The following OSBPL6 variants were observed in gnomAD, a reference collection of about 807,000 sequenced individuals.
OSBPL6 encodes the protein oxysterol binding protein like 6, also known as oxysterol-binding protein-related protein 6.
In OSBPL6, 49 loss-of-function variants were observed where a neutral mutation model predicts 125.8. The ratio of observed to expected loss-of-function variants is 0.39; its 90% CI spans 0.31 to 0.49. The LOEUF (loss-of-function observed/expected upper bound fraction) is 0.49. Ranked by LOEUF, OSBPL6 falls within the 20% of genes least tolerant of loss-of-function variation. OSBPL6 has a pLI of 0.88. For synonymous variants in OSBPL6, 394 were observed against 391.8 expected, an observed-to-expected ratio of 1.01 and a Z score of -0.07; for missense variants, 986 against 1,135.4, an observed-to-expected ratio of 0.87 and a Z score of 1.89.
At position 178,385,476 on chromosome 2, in the gene OSBPL6, ATT is replaced by A; in HGVS notation, c.2034_2035del (p.Ser679CysfsTer5). 2 of 1,611,450 alleles carry A rather than the reference ATT, an allele frequency of 1.2e-6. No homozygotes were observed. Among genetic ancestry groups the A allele is most frequent in the Non-Finnish European group, 1.7e-6 (2 of 1,178,240 alleles). ...TTACCAGGTTAGCCATCATCCACCC[ATT>A]TCTGCCTGTCACTGTGAATCAAAGA... is the stretch of plus-strand genomic sequence containing the variant. ...FSEQVSHHPP[I>X]SACHCESKNF... On this transcript the variant is annotated frameshift_variant, in exon 19 of 25. Coordinates refer to ENST00000190611, the MANE Select transcript of OSBPL6 (RefSeq NM_032523.4). LOFTEE classifies it high-confidence loss of function.
At chr2:178,288,566 G>A (rs1684927739) in intron 2 of OSBPL6, among the ~76,000 whole-genome samples, 1 of 151,440 alleles carries the variant, frequency 6.6e-6, no homozygotes, top group South Asian at 2.1e-4. Flanking sequence ...AACTGTATAA[G>A]TAACTAAGTG....
intron 2 of OSBPL6, among the ~76,000 whole-genome samples, chr2:178,303,657 C>T (rs1050240115): frequency 4.6e-5 from 7 of 152,316 alleles, no homozygotes; most frequent in Admixed American, 4.6e-4. Context: ...TTGTCTCCAA[C>T]TGAATGTCTT....
chr2:178,303,064 A>G (rs1178180528), intron 2 of OSBPL6, among the ~76,000 whole-genome samples: 1 of 152,238 alleles, frequency 6.6e-6, no homozygotes, highest in Admixed American at 6.5e-5. Flanking sequence ...TGCTGGCACC[A>G]CAGCTTGGAA....
chr2:178,325,632 C>A (rs957409937), intron 4 of OSBPL6, among the ~76,000 whole-genome samples: 7 of 152,144 alleles, frequency 4.6e-5, no homozygotes, highest in African/African-American at 1.7e-4. Flanking sequence ...AAAAAGGTAG[C>A]TAAAATTTAT....
At chr2:178,259,305 C>T (rs140762102) in intron 1 of OSBPL6, among the ~76,000 whole-genome samples, 14 of 152,164 alleles carry the variant, frequency 9.2e-5, no homozygotes, top group East Asian at 7.7e-4. Flanking sequence ...GATCAAATTC[C>T]GTTTGAGATT....
chr2:178,281,895 G>A (rs759918564), intron 1 of OSBPL6, among the ~76,000 whole-genome samples: 2 of 152,106 alleles, frequency 1.3e-5, no homozygotes, highest in South Asian at 2.1e-4. Context: ...GCAAACCACC[G>A]TGGCACACAT....
Position 178,380,389 on chromosome 2 carries a change from T to C in OSBPL6, c.1534-2031T>C, listed in dbSNP as rs534801457. ...TCCCTTGAGCCCAGGAGTTATGAGCTCAGGTTGCAGTGAGCTGTGATGGTA... is the reference window on the plus strand; with the variant it reads ...TCCCTTGAGCCCAGGAGTTATGAGCCCAGGTTGCAGTGAGCTGTGATGGTA... On this transcript the variant is annotated intron_variant, in intron 15 of 24. Coordinates refer to ENST00000190611, the MANE Select transcript of OSBPL6 (RefSeq NM_032523.4). Among the ~76,000 whole-genome samples the C allele has an allele frequency of 2.2e-5, 3 of 135,318 alleles. No individual in the cohort carries two copies. In the East Asian group the frequency reaches 6.7e-4, roughly 30 times the overall value. The allele number at this position is 135,318 out of a possible 152,430, so 88.8% of individuals were successfully genotyped here.
chr2:178,274,486 CT>C (rs1158972502), intron 1 of OSBPL6, among the ~76,000 whole-genome samples: 2 of 152,056 alleles, frequency 1.3e-5, no homozygotes, highest in Admixed American at 1.3e-4. Context: ...AAGGCAGGTA[CT>C]GTTACTCTCT....
intron 1 of OSBPL6, among the ~76,000 whole-genome samples, chr2:178,253,085 G>A (rs1000710503): frequency 6.6e-6 from 1 of 151,676 alleles, no homozygotes; most frequent in Non-Finnish European, 1.5e-5. Context: ...GCAATGGCAT[G>A]ATCTCGGCTC....
chr2:178,344,095 G>C (rs1690473030), intron 11 of OSBPL6, among the ~76,000 whole-genome samples: 2 of 152,156 alleles, frequency 1.3e-5, no homozygotes, highest in African/African-American at 4.8e-5. Context: ...TCAGATGTTT[G>C]AGTAATGAGA....
intron 1 of OSBPL6, among the ~76,000 whole-genome samples, chr2:178,264,032 G>C (rs1274078661): frequency 1.3e-5 from 2 of 152,034 alleles, no homozygotes; most frequent in African/African-American, 4.8e-5. Flanking sequence ...TGGTGGCAGG[G>C]CCTCCCTTCC....
Position 178,385,541 on chromosome 2 carries a change from T to C in OSBPL6, c.2077+20T>C, listed in dbSNP as rs774196097. 1.5e-5 allele frequency: 23 copies of C among 1,553,372 alleles called. No individual in the cohort carries two copies. Among genetic ancestry groups the C allele is most frequent in the Admixed American group, 1.3e-4 (8 of 59,746 alleles). ...GGCAAGGTTTGTATTTCAATTATAA[T>C]TTAAAATCAAATGTATGAGCCTATG... is the stretch of plus-strand genomic sequence containing the variant. On this transcript the variant is annotated intron_variant, in intron 19 of 24. Transcript: ENST00000190611.
intron 1 of OSBPL6, among the ~76,000 whole-genome samples, chr2:178,232,306 TTA>T (rs1283043511): frequency 6.6e-6 from 1 of 152,176 alleles, no homozygotes; most frequent in Non-Finnish European, 1.5e-5. Context: ...GACTCTCAAA[TTA>T]TGTTTCTCAT....
At chr2:178,357,236 A>T (rs2154095167) in intron 12 of OSBPL6, among the ~76,000 whole-genome samples, 1 of 152,346 alleles carries the variant, frequency 6.6e-6, no homozygotes, top group East Asian at 1.9e-4. Flanking sequence ...AAATAGACAA[A>T]TGGGATCTAA....
At chr2:178,266,915 A>G (rs542585424) in intron 1 of OSBPL6, among the ~76,000 whole-genome samples, 3 of 152,336 alleles carry the variant, frequency 2.0e-5, no homozygotes, top group Admixed American at 6.5e-5. Flanking sequence ...GGAGGTAGAT[A>G]AGACTGGAAC....
intron 12 of OSBPL6, among the ~76,000 whole-genome samples, chr2:178,358,439 A>C (rs1042728805): frequency 6.6e-6 from 1 of 152,146 alleles, no homozygotes; most frequent in Non-Finnish European, 1.5e-5. Context: ...CCCCAAAATA[A>C]ATCCAAACAT....
intron 1 of OSBPL6, among the ~76,000 whole-genome samples, chr2:178,279,987 C>A (rs1197602988): frequency 6.6e-6 from 1 of 152,080 alleles, no homozygotes; most frequent in Non-Finnish European, 1.5e-5. Flanking sequence ...ATCACGAAGT[C>A]AAGAGATCTA....
intron 1 of OSBPL6, among the ~76,000 whole-genome samples, chr2:178,218,007 G>A (rs1470421836): frequency 6.6e-6 from 1 of 152,154 alleles, no homozygotes; most frequent in Non-Finnish European, 1.5e-5. Flanking sequence ...AGGTTCAATA[G>A]GGTTTTTGAG....
intron 3 of OSBPL6, among the ~76,000 whole-genome samples, chr2:178,313,188 G>A (rs1574840458): frequency 1.3e-5 from 2 of 152,262 alleles, no homozygotes; most frequent in South Asian, 2.1e-4. Context: ...GAGCCACCAC[G>A]CCTGGCCTAT....
Sources: gnomAD v4.1 joint callset for allele counts (sites outside exome capture counted in the v4.1 genomes callset) on GRCh38, gnomAD v4.1.1 for gene constraint, MANE v1.5 for transcripts, NCBI Gene and HGNC (gene_info 2026-07-23, HGNC 2026-07-21) for gene names.